The following MGAT4C variants were observed in gnomAD, a reference collection of about 807,000 sequenced individuals.
MGAT4C encodes alpha-1,3-mannosyl-glycoprotein 4-beta-N-acetylglucosaminyltransferase C.
MGAT4C carries 19 observed loss-of-function variants against 40.1 expected under a neutral mutation model. The ratio of observed to expected loss-of-function variants is 0.47; its 90% confidence interval spans 0.33 to 0.70. The LOEUF (loss-of-function observed/expected upper bound fraction) is 0.70, where lower values mean the gene tolerates loss of function less well. MGAT4C is among the 30% of genes least tolerant of loss of function. The probability of loss-of-function intolerance (pLI) is 0.02; values close to 1 mark genes in which losing one functional copy is unlikely to be tolerated. For missense variants in MGAT4C, 491 were observed against 563.2 expected, an observed-to-expected ratio of 0.87 and a Z score of 1.30; for synonymous variants, 181 against 187.1, an observed-to-expected ratio of 0.97 and a Z score of 0.27.
intron 3 of MGAT4C, among the ~76,000 whole-genome samples, chr12:86,378,887 A>G (rs1955879284): frequency 6.6e-6 from 1 of 152,144 alleles, no homozygotes; most frequent in South Asian, 2.1e-4. Flanking sequence ...CAAAAGTTAC[A>G]GTGAGGCCAG....
In MGAT4C at chr12:86,388,927, G is replaced by A. The variant is rs892500757; in HGVS notation, c.-120+46230C>T. Among the ~76,000 whole-genome samples the A allele has an allele frequency of 4.6e-5, 7 of 152,004 alleles. No homozygotes were observed. The East Asian group carries it at 9.7e-4, about 21-fold the overall frequency. On this transcript the variant is annotated intron_variant, in intron 3 of 7. Coordinates refer to the MGAT4C transcript ENST00000548651. ...TTGAAGTCCTGACCTCAGGTGATCC[G>A]CTTGCCTCGGCCTCCCAAAGTGCTG...
chr12:86,692,959 A>T (rs531887794), intron 2 of MGAT4C, among the ~76,000 whole-genome samples: 26 of 152,150 alleles, frequency 1.7e-4, no homozygotes, highest in African/African-American at 4.8e-5. Context: ...GTTTTGAATG[A>T]TCCCATGGAC....
At chr12:86,766,223 C>G (rs1951505002) in intron 1 of MGAT4C, among the ~76,000 whole-genome samples, 1 of 151,926 alleles carries the variant, frequency 6.6e-6, no homozygotes, top group South Asian at 2.1e-4. Context: ...CAATCCTAGT[C>G]TCTGATAAAA....
intron 2 of MGAT4C, among the ~76,000 whole-genome samples, chr12:86,463,226 A>G (rs1957628364): frequency 6.6e-6 from 1 of 152,174 alleles, no homozygotes; most frequent in South Asian, 2.1e-4. Context: ...GAGTTAAAGA[A>G]TTTCTTTAAA....
At position 86,308,594 on chromosome 12, in the gene MGAT4C, C is replaced by T. The variant is rs145805050; in HGVS notation, c.-57+25471G>A. On this transcript the variant is annotated intron_variant, in intron 4 of 7. Transcript: ENST00000548651. ...CTTGATTGGTTGCTTGGTCATGTTA[C>T]AGCCTAATAGTGATGGTAATAATTT... Among the ~76,000 whole-genome samples, 152 of 150,666 alleles carry T rather than the reference C, an allele frequency of 1.0e-3. 12 individuals are homozygous for T. Among genetic ancestry groups the T allele is most frequent in the African/African-American group, 3.5e-3 (139 of 40,126 alleles).
At chr12:86,746,312 C>G (rs1462830568) in intron 1 of MGAT4C, among the ~76,000 whole-genome samples, 1 of 151,602 alleles carries the variant, frequency 6.6e-6, no homozygotes, top group African/African-American at 2.4e-5. Context: ...CCTTAAAACC[C>G]TTTAAATGCC....
chr12:86,311,012 G>A (rs551863919), intron 4 of MGAT4C, among the ~76,000 whole-genome samples: 90 of 152,328 alleles, frequency 5.9e-4, no homozygotes, highest in Non-Finnish European at 9.3e-4. Flanking sequence ...CTCAAGGCCC[G>A]ATGGGTCCTG....
chr12:86,617,036 C>T (rs986832210), intron 2 of MGAT4C, among the ~76,000 whole-genome samples: 1 of 152,140 alleles, frequency 6.6e-6, no homozygotes, highest in African/African-American at 2.4e-5. Flanking sequence ...ACATTGATTA[C>T]ATAACTACAG....
chr12:86,010,736 C>T (rs924131930), intron 2 of MGAT4C, among the ~76,000 whole-genome samples: 1 of 152,092 alleles, frequency 6.6e-6, no homozygotes, highest in Non-Finnish European at 1.5e-5. Context: ...GAAAGATAAT[C>T]CCCAGTGTAA....
chr12:86,109,344 T>C (rs866993683), intron 1 of MGAT4C, among the ~76,000 whole-genome samples: 12 of 152,094 alleles, frequency 7.9e-5, no homozygotes, highest in African/African-American at 2.7e-4. Flanking sequence ...TTTCAGAAAG[T>C]TACTTGTGGC....
chr12:86,643,169 T>C (rs1963440329), intron 2 of MGAT4C, among the ~76,000 whole-genome samples: 1 of 151,698 alleles, frequency 6.6e-6, no homozygotes, highest in Non-Finnish European at 1.5e-5. Context: ...CAAACTCGCT[T>C]TTATAACAAG....
At chr12:86,461,233 C>G (rs1469480089) in intron 2 of MGAT4C, among the ~76,000 whole-genome samples, 1 of 146,314 alleles carries the variant, frequency 6.8e-6, no homozygotes, top group African/African-American at 2.5e-5. Context: ...ATTTACACAT[C>G]TTCTTTTTTT....
intron 2 of MGAT4C, among the ~76,000 whole-genome samples, chr12:86,505,943 A>G (rs991034592): frequency 6.6e-6 from 1 of 152,164 alleles, no homozygotes; most frequent in Non-Finnish European, 1.5e-5. Flanking sequence ...AGGAAAGGCA[A>G]CAGGTCATAC....
At chr12:86,037,963 G>T (rs756850549) in intron 2 of MGAT4C, among the ~76,000 whole-genome samples, 2 of 149,534 alleles carry the variant, frequency 1.3e-5, no homozygotes, top group African/African-American at 2.4e-5. Flanking sequence ...AGGTCATGGG[G>T]GTGACGAAGT....
At chr12:86,767,321 G>T (rs930873821) in intron 1 of MGAT4C, among the ~76,000 whole-genome samples, 1 of 152,138 alleles carries the variant, frequency 6.6e-6, no homozygotes, top group Non-Finnish European at 1.5e-5. Flanking sequence ...CCAGGAAGAA[G>T]TTGAATCTCT....
At chr12:86,793,121 A>G (rs772726385) in intron 1 of MGAT4C, among the ~76,000 whole-genome samples, 11 of 152,136 alleles carry the variant, frequency 7.2e-5, no homozygotes, top group Non-Finnish European at 1.0e-4. Flanking sequence ...TTACATTTTT[A>G]ATCATTTATA....
At chr12:86,298,876 G>A (rs1953744043) in intron 4 of MGAT4C, among the ~76,000 whole-genome samples, 1 of 151,892 alleles carries the variant, frequency 6.6e-6, no homozygotes, top group Non-Finnish European at 1.5e-5. Flanking sequence ...TGGTTATTAA[G>A]AGAAAAAAAT....
intron 2 of MGAT4C, among the ~76,000 whole-genome samples, chr12:86,645,695 C>G (rs913329234): frequency 2.6e-5 from 4 of 151,724 alleles, no homozygotes; most frequent in Admixed American, 6.6e-5. Flanking sequence ...TTTTATGATC[C>G]TATGCCAAAT....
chr12:86,090,595 G>T (rs58736215), intron 1 of MGAT4C, among the ~76,000 whole-genome samples: 3,462 of 151,868 alleles, frequency 0.023, 113 homozygotes, highest in African/African-American at 0.079. Flanking sequence ...GCAATGAGAA[G>T]TCTAATACCA....
Sources: gnomAD v4.1 joint callset for allele counts (sites outside exome capture counted in the v4.1 genomes callset) on GRCh38, gnomAD v4.1.1 for gene constraint, MANE v1.5 for transcripts, NCBI Gene and HGNC (gene_info 2026-07-23, HGNC 2026-07-21) for gene names.